ST18: variants seen among roughly 807,000 people sequenced by gnomAD.
The protein encoded by ST18 is suppression of tumorigenicity 18 protein.
ST18 carries 50 observed loss-of-function variants against 110.0 expected under a neutral mutation model. That is an observed-to-expected ratio of 0.45 (90% confidence interval 0.36 to 0.58). The LOEUF is 0.58. Ranked by LOEUF, ST18 falls within the 20% of genes least tolerant of loss-of-function variation. ST18 has a pLI of 0.00. For synonymous variants in ST18, 461 were observed against 452.4 expected, an observed-to-expected ratio of 1.02 and a Z score of -0.24; for missense variants, 1,306 against 1,280.1, an observed-to-expected ratio of 1.02 and a Z score of -0.31.
chr8:52,365,589 A>T (rs1827551242), intron 2 of ST18, among the ~76,000 whole-genome samples: 2 of 152,214 alleles, frequency 1.3e-5, no homozygotes, highest in Admixed American at 6.5e-5. Context: ...AGTTTAAAAA[A>T]AAAAACTTAC....
At chr8:52,235,343 G>A (rs2092460289) in intron 2 of ST18, among the ~76,000 whole-genome samples, 1 of 152,086 alleles carries the variant, frequency 6.6e-6, no homozygotes. Context: ...CTGGCCCACT[G>A]AGGAGTCCTA....
chr8:52,402,286 T>A (rs1201587478), intron 2 of ST18, among the ~76,000 whole-genome samples: 4 of 152,168 alleles, frequency 2.6e-5, no homozygotes, highest in Non-Finnish European at 5.9e-5. Flanking sequence ...CACATGTGAT[T>A]GGAATGGCTG....
At position 52,367,288 on chromosome 8, in the gene ST18, G is replaced by T. The variant is rs1828468955; in HGVS notation, c.-465+42040C>A. ...CACACACAAAGATTTTACCTTCTAG[G>T]TCGCATGCCTGGAATCTCTGTTACT... On this transcript the variant is annotated intron_variant, in intron 2 of 25. Transcript: ENST00000689386. Among the ~76,000 whole-genome samples the T allele has an allele frequency of 4.7e-5, 3 of 64,262 alleles. No individual in the cohort carries two copies. In the South Asian group the frequency reaches 1.5e-3, roughly 33 times the overall value. 42.2% of individuals were successfully genotyped at this position (64,262 alleles called of 152,430 possible). A position where few individuals can be genotyped will look rare whatever the true frequency, so the allele number is the denominator to read the frequency against.
chr8:52,406,578 T>G (rs1844588430), intron 2 of ST18: 1 of 152,106 alleles, frequency 6.6e-6, no homozygotes, highest in African/African-American at 2.4e-5. Flanking sequence ...GTTGTGGCCT[T>G]CCCCCTAAAT....
intron 10 of ST18, among the ~76,000 whole-genome samples, chr8:52,167,504 C>A (rs567715935): frequency 1.1e-3 from 172 of 152,306 alleles, no homozygotes; most frequent in South Asian, 2.1e-3. Flanking sequence ...GAGCAGCTGG[C>A]GGAGTTAGGA....
At chr8:52,403,619 A>ATACTTAGT (rs1396954152) in intron 2 of ST18, 1 of 152,112 alleles carries the variant, frequency 6.6e-6, no homozygotes, top group African/African-American at 2.4e-5. Context: ...GTATGAGCCC[A>ATACTTAGT]TACTTAGTGT....
chr8:52,136,397 C>A (rs1011108396), intron 19 of ST18, among the ~76,000 whole-genome samples, 193 bp downstream of exon 19: 3 of 152,184 alleles, frequency 2.0e-5, no homozygotes, highest in African/African-American at 7.2e-5. Context: ...CGGAAGCAAG[C>A]AAATTAACTA....
At chr8:52,316,759 G>T (rs978760304) in intron 2 of ST18, among the ~76,000 whole-genome samples, 4 of 152,110 alleles carry the variant, frequency 2.6e-5, no homozygotes, top group Non-Finnish European at 4.4e-5. Context: ...TGACTTTCTA[G>T]CTCAGTGGTC....
intron 2 of ST18, among the ~76,000 whole-genome samples, chr8:52,357,594 T>C (rs1478047200): frequency 2.7e-5 from 4 of 146,864 alleles, no homozygotes; most frequent in Non-Finnish European, 4.5e-5. Context: ...AAAGACATTG[T>C]TTATCAACAA....
intron 8 of ST18, among the ~76,000 whole-genome samples, chr8:52,181,174 G>C (rs1414016569): frequency 6.6e-6 from 1 of 152,172 alleles, no homozygotes; most frequent in Non-Finnish European, 1.5e-5. Flanking sequence ...GTCTATAAGA[G>C]ATATTTATTA....
At chr8:52,150,024 A>G (rs2058412345) in intron 15 of ST18, 47 bp from the exon 16 acceptor site, 1 of 1,579,958 alleles carries the variant, frequency 6.3e-7, no homozygotes, top group Admixed American at 1.7e-5. Context: ...GTTTGCAGTT[A>G]CAGCCTAGCC....
intron 2 of ST18, among the ~76,000 whole-genome samples, chr8:52,259,361 A>G (rs1388187440): frequency 6.6e-6 from 1 of 152,164 alleles, no homozygotes; most frequent in Non-Finnish European, 1.5e-5. Context: ...GATTAAACCA[A>G]TCAACCGCTA....
At chr8:52,359,731 A>G (rs1255212926) in intron 2 of ST18, among the ~76,000 whole-genome samples, 1 of 152,176 alleles carries the variant, frequency 6.6e-6, no homozygotes, top group Non-Finnish European at 1.5e-5. Flanking sequence ...CTATTATACT[A>G]TATAATGTCA....
intron 2 of ST18, among the ~76,000 whole-genome samples, chr8:52,348,523 C>T (rs949336340): frequency 3.9e-5 from 6 of 152,156 alleles, no homozygotes; most frequent in African/African-American, 1.2e-4. Flanking sequence ...GAAGCCGAGG[C>T]GGGCATATCA....
At chr8:52,268,099 A>T (rs1589453427) in intron 2 of ST18, among the ~76,000 whole-genome samples, 2 of 152,230 alleles carry the variant, frequency 1.3e-5, no homozygotes, top group East Asian at 3.8e-4. Context: ...ATACTGAGAA[A>T]TATCAGAGAG....
chr8:52,299,633 A>G (rs1289814641), intron 2 of ST18, among the ~76,000 whole-genome samples: 2 of 152,212 alleles, frequency 1.3e-5, no homozygotes, highest in African/African-American at 4.8e-5. Flanking sequence ...AAAGTTTTTC[A>G]GGCCTACATG....
chr8:52,215,840 G>A (rs1346112538), intron 6 of ST18, among the ~76,000 whole-genome samples: 3 of 152,098 alleles, frequency 2.0e-5, no homozygotes, highest in South Asian at 4.1e-4. Context: ...CCCTCCTCCC[G>A]TGAGTATCTC....
Position 52,149,721 on chromosome 8 carries a change from G to T in ST18, c.2052+11C>A. On this transcript the variant is annotated intron_variant, in intron 16 of 25. Transcript: ENST00000689386. ...GTCTTCAACTTATTGATTGACATAT[G>T]GAAACAATACCTCTTTCTCCTCCTC... 6.2e-7 allele frequency: 1 copy of T among 1,611,104 alleles called. No individual in the cohort carries two copies. Among genetic ancestry groups the T allele is most frequent in the Non-Finnish European group, 8.5e-7 (1 of 1,178,158 alleles).
chr8:52,345,810 G>T (rs1185958093), intron 2 of ST18, among the ~76,000 whole-genome samples: 1 of 152,104 alleles, frequency 6.6e-6, no homozygotes, highest in African/African-American at 2.4e-5. Flanking sequence ...CTGCTTACTA[G>T]AAAGCAAAGA....
Sources: gnomAD v4.1 joint callset for allele counts (sites outside exome capture counted in the v4.1 genomes callset) on GRCh38, gnomAD v4.1.1 for gene constraint, MANE v1.5 for transcripts, NCBI Gene and HGNC (gene_info 2026-07-23, HGNC 2026-07-21) for gene names.